Variants in HSPA14 observed in about 807,000 individuals in gnomAD.
The protein encoded by HSPA14 is heat shock 70 kDa protein 14.
HSPA14 carries 37 observed loss-of-function variants against 65.5 expected under a neutral mutation model. The ratio of observed to expected loss-of-function variants is 0.56; its 90% CI spans 0.43 to 0.74. The LOEUF is 0.74. Among genes scored for constraint, HSPA14 ranks in the 30% least tolerant of loss-of-function variants. The pLI is 0.00. For missense variants in HSPA14, 564 were observed against 607.6 expected (o/e 0.93, Z 0.75); for synonymous variants, 203 against 214.2 (o/e 0.95, Z 0.46).
intron 10 of HSPA14, among the ~76,000 whole-genome samples, chr10:14,863,543 T>G (rs2131646626): frequency 6.6e-6 from 1 of 152,340 alleles, no homozygotes; most frequent in African/African-American, 2.4e-5. Context: ...TCCTGTCCCC[T>G]AACCCAGGCT....
At position 14,842,051 on chromosome 10, in the gene HSPA14, A is replaced by C; in HGVS notation, c.221+1894A>C. 1 of 984,186 alleles carries C rather than the reference A, an allele frequency of 1.0e-6. No homozygotes were observed. The highest frequency in any genetic ancestry group is 2.0e-5 in the Admixed American group (1 of 48,912). The allele number at this position is 984,186 out of a possible 1,614,324, so 61.0% of individuals were successfully genotyped here. A position where few individuals can be genotyped will look rare whatever the true frequency, so the allele number is the denominator to read the frequency against. On this transcript the variant is annotated intron_variant, in intron 3 of 13. Transcript: ENST00000378372. This position sits in a 1 kb window ranked among gnomAD's most constrained non-coding sequence, Gnocchi z 5.2. ...TTGGCCTCATGCCTGTTTATGACCT[A>C]CTCACAGGTAGCACCACTTAACTTG...
intron 3 of HSPA14, chr10:14,846,443 A>G (rs1834054399): frequency 1.0e-6 from 1 of 985,314 alleles, no homozygotes; most frequent in African/African-American, 1.7e-5. Context: ...ATAAAAGTCA[A>G]GGGAAAGGTC....
chr10:14,871,048 CTAAT>C (rs1485566387), intron 13 of HSPA14, among the ~76,000 whole-genome samples: 1 of 152,114 alleles, frequency 6.6e-6, no homozygotes, highest in East Asian at 1.9e-4. Flanking sequence ...AAAAAATGTA[CTAAT>C]TAAATTCAGC....
rs1449637750 is a variant in HSPA14 at position 14,842,634 on chromosome 10, G to C, written c.221+2477G>C. 1 of 1,536,186 alleles carries C rather than the reference G, an allele frequency of 6.5e-7. No individual in the cohort carries two copies. The highest frequency in any genetic ancestry group is 2.0e-5 in the Admixed American group (1 of 51,000). On this transcript the variant is annotated intron_variant, in intron 3 of 13. Transcript: ENST00000378372. The surrounding 1 kb of genome is among the most constrained non-coding windows in gnomAD (Gnocchi z 5.2). ...GACAACTTAATGGAGGATGCTGCTTGGGCCAAGCACTGTGATCAGAACTTA... is the reference window on the plus strand; with the variant it reads ...GACAACTTAATGGAGGATGCTGCTTCGGCCAAGCACTGTGATCAGAACTTA...
chr10:14,845,672 C>A, intron 3 of HSPA14: 1 of 310,296 alleles, frequency 3.2e-6, no homozygotes, highest in Non-Finnish European at 4.7e-6. Context: ...TGGCTCACTG[C>A]AACCTCAGCC....
intron 10 of HSPA14, among the ~76,000 whole-genome samples, chr10:14,860,731 C>G (rs74124739): frequency 1.3e-3 from 202 of 152,150 alleles, no homozygotes; most frequent in African/African-American, 4.7e-3. Context: ...GTGCTCAGGC[C>G]TCAGTGTGAA....
intron 5 of HSPA14, 85 bp downstream of exon 5, chr10:14,848,980 T>C: frequency 1.4e-6 from 1 of 726,618 alleles, no homozygotes; most frequent in Non-Finnish European, 2.3e-6. Context: ...TATTTTTAGA[T>C]CTTGGGAGAA....
chr10:14,846,867 A>C, intron 3 of HSPA14: 1 of 985,146 alleles, frequency 1.0e-6, no homozygotes, highest in Non-Finnish European at 1.2e-6. Context: ...AGGTTGTGAT[A>C]CACAACCATA....
intron 1 of HSPA14, among the ~76,000 whole-genome samples, chr10:14,839,076 C>T: frequency 6.6e-6 from 1 of 152,196 alleles, no homozygotes; most frequent in East Asian, 1.9e-4. Flanking sequence ...AGCTGCCTGG[C>T]TGTGAAGCCA....
chr10:14,870,013 G>C (rs906394788), intron 12 of HSPA14, among the ~76,000 whole-genome samples: 6 of 152,174 alleles, frequency 3.9e-5, no homozygotes, highest in African/African-American at 1.4e-4. Context: ...TATTAAACTA[G>C]AGTTTGGCAA....
intron 3 of HSPA14, among the ~76,000 whole-genome samples, chr10:14,840,361 T>G (rs764728078): frequency 6.6e-6 from 1 of 152,158 alleles, no homozygotes; most frequent in Non-Finnish European, 1.5e-5. Flanking sequence ...CACTCAGATG[T>G]TAGTTTCTTG....
intron 12 of HSPA14, among the ~76,000 whole-genome samples, chr10:14,869,176 C>CTTTTTTTTT (rs1832832566): frequency 1.3e-5 from 2 of 151,254 alleles, no homozygotes; most frequent in African/African-American, 4.9e-5. Flanking sequence ...AAATGCCTAG[C>CTTTTTTTTT]TTTTTTGAGA....
chr10:14,843,526 A>C, intron 3 of HSPA14: 2 of 1,550,648 alleles, frequency 1.3e-6, no homozygotes, highest in Non-Finnish European at 1.7e-6. Flanking sequence ...GGTAGCCTCC[A>C]CACCGCAGAC....
intron 8 of HSPA14, among the ~76,000 whole-genome samples, chr10:14,853,655 G>C (rs528053416): frequency 4.6e-5 from 7 of 152,318 alleles, no homozygotes; most frequent in Non-Finnish European, 1.0e-4. Context: ...TTTTAGGAAA[G>C]TTTAGAGGGA....
chr10:14,859,381 T>A (rs1488807630), intron 10 of HSPA14, among the ~76,000 whole-genome samples: 1 of 152,250 alleles, frequency 6.6e-6, no homozygotes, highest in Non-Finnish European at 1.5e-5. Context: ...CTGCCTCTTT[T>A]CGGCTATCTC....
At chr10:14,846,878 G>C in intron 3 of HSPA14, 3 of 985,368 alleles carry the variant, frequency 3.0e-6, no homozygotes, top group Non-Finnish European at 3.6e-6. Flanking sequence ...CACAACCATA[G>C]GATTAACTGC....
chr10:14,848,382 T>A (rs1342518124), intron 3 of HSPA14, among the ~76,000 whole-genome samples: 7 of 152,212 alleles, frequency 4.6e-5, no homozygotes, highest in African/African-American at 1.7e-4. Context: ...AGCTATTTAT[T>A]TTCAAATGCA....
intron 7 of HSPA14, among the ~76,000 whole-genome samples, chr10:14,851,659 A>G (rs1180297434): frequency 6.6e-6 from 1 of 152,226 alleles, no homozygotes; most frequent in East Asian, 1.9e-4. Context: ...GTTTGCAGAT[A>G]ATAGGTACTG....
intron 3 of HSPA14, chr10:14,843,569 C>T: frequency 1.3e-6 from 2 of 1,550,674 alleles, no homozygotes; most frequent in African/African-American, 2.7e-5. Flanking sequence ...GGTTTTGTTT[C>T]TGGTGGGGAT....
Sources: gnomAD v4.1 joint callset for allele counts (sites outside exome capture counted in the v4.1 genomes callset) on GRCh38, gnomAD v4.1.1 for gene constraint, Gnocchi (gnomAD v3.1) non-coding constraint, MANE v1.5 for transcripts, NCBI Gene and HGNC (gene_info 2026-07-23, HGNC 2026-07-21) for gene names.